The following ZNF431 variants were observed in gnomAD, a reference collection of about 807,000 sequenced individuals.
ZNF431 encodes zinc finger protein 431.
Under a neutral mutation model 57.0 loss-of-function variants are expected in ZNF431, and 34 were observed. The ratio of observed to expected loss-of-function variants is 0.60; its 90% CI spans 0.45 to 0.79. The LOEUF (loss-of-function observed/expected upper bound fraction) is 0.79, where lower values mean the gene tolerates loss of function less well. ZNF431 is among the 30% of genes least tolerant of loss of function. The pLI is 0.00. For synonymous variants in ZNF431, 207 were observed against 220.3 expected, an observed-to-expected ratio of 0.94 and a Z score of 0.54; for missense variants, 607 against 667.1, an observed-to-expected ratio of 0.91 and a Z score of 0.99.
chr19:21,174,430 C>T (rs1367446669), intron 4 of ZNF431, among the ~76,000 whole-genome samples: 2 of 152,036 alleles, frequency 1.3e-5, no homozygotes, highest in African/African-American at 4.8e-5. Flanking sequence ...TGTATGTATA[C>T]ATATAAATAG....
At position 21,192,336 on chromosome 19, in the gene ZNF431, T is replaced by A. The variant is rs1174048945; in HGVS notation, c.*8302T>A. Reference sequence around the variant, plus strand: ...GGCGCCTCCTACTACACCCAGCTAATTTTTTTATTTCTATAGAGATGGGGT... The same window carrying A: ...GGCGCCTCCTACTACACCCAGCTAAATTTTTTATTTCTATAGAGATGGGGT... On this transcript the variant is annotated 3_prime_UTR_variant, in exon 5 of 5. Transcript: ENST00000311048. The A allele has an allele frequency of 6.6e-6, 1 of 152,078 alleles. No individual in the cohort carries two copies. Among genetic ancestry groups the A allele is most frequent in the Admixed American group, 6.5e-5 (1 of 15,276 alleles). 9.4% of individuals were successfully genotyped at this position (152,078 alleles called of 1,614,324 possible).
At position 21,151,676 on chromosome 19, in the gene ZNF431, G is replaced by C. The variant is rs140432089; in HGVS notation, c.96+8033G>C. Among the ~76,000 whole-genome samples, 222 of 152,244 alleles carry C rather than the reference G, an allele frequency of 1.5e-3. 1 individual carries two copies. Among genetic ancestry groups the C allele is most frequent in the African/African-American group, 5.1e-3 (211 of 41,558 alleles). Reference sequence around the variant, plus strand: ...CAAGGCCATGACTGAGCACTTTTCTGAGCCATCTTGAACAGCAGCCTTAAG... The same window carrying C: ...CAAGGCCATGACTGAGCACTTTTCTCAGCCATCTTGAACAGCAGCCTTAAG... On this transcript the variant is annotated intron_variant, in intron 2 of 4. Transcript: ENST00000311048.
chr19:21,165,538 A>G (rs767914043), intron 2 of ZNF431, among the ~76,000 whole-genome samples: 3 of 152,208 alleles, frequency 2.0e-5, no homozygotes, highest in Non-Finnish European at 4.4e-5. Flanking sequence ...AGCACATCAT[A>G]GAAATTTGTT....
At chr19:21,143,771 A>G (rs1270175482) in intron 2 of ZNF431, 128 bp downstream of exon 2, 1 of 642,714 alleles carries the variant, frequency 1.6e-6, no homozygotes, top group African/African-American at 1.8e-5. Flanking sequence ...TGCCCCCTGG[A>G]TTGTCTTAGG....
intron 2 of ZNF431, among the ~76,000 whole-genome samples, chr19:21,154,266 G>A (rs201977918): frequency 7.0e-4 from 106 of 152,114 alleles, no homozygotes; most frequent in South Asian, 6.9e-3. Flanking sequence ...GAGAACATGC[G>A]GTGTTTGGTT....
At chr19:21,151,063 T>A (rs900186081) in intron 2 of ZNF431, 1 of 152,170 alleles carries the variant, frequency 6.6e-6, no homozygotes, top group Non-Finnish European at 1.5e-5. Flanking sequence ...TTTTTCTTTT[T>A]TTTTTTGGAA....
intron 2 of ZNF431, among the ~76,000 whole-genome samples, chr19:21,165,466 C>A (rs1970696242): frequency 6.6e-6 from 1 of 152,168 alleles, no homozygotes; most frequent in South Asian, 2.1e-4. Flanking sequence ...TAAATTCAGT[C>A]TATAATTGAC....
chr19:21,173,034 C>T (rs1363693053), intron 4 of ZNF431, among the ~76,000 whole-genome samples: 1 of 152,066 alleles, frequency 6.6e-6, no homozygotes, highest in African/African-American at 2.4e-5. Context: ...TTGTTTCTGG[C>T]TTATTTCAAG....
intron 2 of ZNF431, among the ~76,000 whole-genome samples, chr19:21,152,343 G>A (rs962136187): frequency 6.6e-6 from 1 of 152,150 alleles, no homozygotes; most frequent in South Asian, 2.1e-4. Context: ...AGTTCAGGTG[G>A]CCGCTTCTTG....
chr19:21,167,894 A>C (rs1173855914), intron 4 of ZNF431, among the ~76,000 whole-genome samples: 1 of 152,228 alleles, frequency 6.6e-6, no homozygotes, highest in African/African-American at 2.4e-5. Context: ...TCTTCCTTCA[A>C]GTCTACAAGA....
At chr19:21,150,297 T>G in intron 2 of ZNF431, 1 of 462,990 alleles carries the variant, frequency 2.2e-6, no homozygotes, top group Non-Finnish European at 4.1e-6. Context: ...AGGTCCCTTT[T>G]GGGCTGGATG....
intron 2 of ZNF431, among the ~76,000 whole-genome samples, chr19:21,160,153 A>G (rs759744248): frequency 6.6e-6 from 1 of 152,096 alleles, no homozygotes; most frequent in Non-Finnish European, 1.5e-5. Context: ...TGGGATTCAC[A>G]AGACAGGGCC....
intron 2 of ZNF431, among the ~76,000 whole-genome samples, chr19:21,164,368 G>A (rs1217216905): frequency 6.6e-6 from 1 of 152,114 alleles, no homozygotes; most frequent in African/African-American, 2.4e-5. Context: ...CTGTGGCAGG[G>A]GAGGGCACCT....
chr19:21,150,252 T>C, intron 2 of ZNF431: 1 of 510,364 alleles, frequency 2.0e-6, no homozygotes, highest in Non-Finnish European at 3.7e-6. Flanking sequence ...GGCTCTTTGC[T>C]GCTGCAACCT....
intron 4 of ZNF431, among the ~76,000 whole-genome samples, chr19:21,169,120 G>A (rs1250457678): frequency 6.6e-6 from 1 of 151,732 alleles, no homozygotes; most frequent in African/African-American, 2.4e-5. Context: ...TCACTCTGTT[G>A]GCCAGGCTGG....
chr19:21,170,662 T>TTTTTC (rs1555709626), intron 4 of ZNF431, among the ~76,000 whole-genome samples: 39 of 151,698 alleles, frequency 2.6e-4, no homozygotes, highest in African/African-American at 7.5e-4. Flanking sequence ...TTTTCTTTTT[T>TTTTTC]TTTTCTTTTC....
intron 4 of ZNF431, among the ~76,000 whole-genome samples, chr19:21,170,173 G>T (rs1438736660): frequency 6.6e-6 from 1 of 152,118 alleles, no homozygotes; most frequent in Non-Finnish European, 1.5e-5. Context: ...TCTCTTAAAG[G>T]CACTTACTTT....
At chr19:21,175,261 G>A (rs1971018497) in intron 4 of ZNF431, among the ~76,000 whole-genome samples, 1 of 151,716 alleles carries the variant, frequency 6.6e-6, no homozygotes, top group Non-Finnish European at 1.5e-5. Context: ...TTGCCCTGTT[G>A]TCTAGGTTGG....
In ZNF431 at chr19:21,183,994, G is replaced by A; in HGVS notation, c.1691G>A (p.Arg564Lys). 1 of 1,582,508 alleles carries A rather than the reference G, an allele frequency of 6.3e-7. No individual in the cohort carries two copies. Among genetic ancestry groups the A allele is most frequent in the East Asian group, 2.2e-5 (1 of 44,772 alleles). Residue 564 changes from arginine (R) to lysine (K), a missense_variant, in exon 5 of 5, where the codon AGA becomes AAA. Transcript: ENST00000311048. ...ATTAAACAAAATAATTCATACTGGA[G>A]AGAAACTCTACAAATGTCAAGAATG... The part of the protein sequence containing the change: ...NLIKQNNSYW[R>K]ETLQMSRMWE...
Sources: gnomAD v4.1 joint callset for allele counts (sites outside exome capture counted in the v4.1 genomes callset) on GRCh38, gnomAD v4.1.1 for gene constraint, MANE v1.5 for transcripts, NCBI Gene and HGNC (gene_info 2026-07-23, HGNC 2026-07-21) for gene names.